Variants in MAD1L1 observed in about 807,000 individuals in gnomAD.
MAD1L1 encodes mitotic arrest deficient 1 like 1, also known as mitotic spindle assembly checkpoint protein MAD1.
In MAD1L1, 95 loss-of-function variants were observed where a neutral mutation model predicts 96.9. The observed-to-expected ratio is 0.98, with a 90% CI of 0.83 to 1.16. The LOEUF (loss-of-function observed/expected upper bound fraction) is 1.16. Among genes scored for constraint, MAD1L1 ranks in the 50% most tolerant of loss-of-function variants. The pLI is 0.00. For synonymous variants in MAD1L1, 473 were observed against 396.6 expected (o/e 1.19, Z -2.29); for missense variants, 1,007 against 954.4 (o/e 1.06, Z -0.73).
At chr7:1,990,508 T>C (rs1026270601) in intron 14 of MAD1L1, among the ~76,000 whole-genome samples, 2 of 152,210 alleles carry the variant, frequency 1.3e-5, no homozygotes, top group East Asian at 3.8e-4. Context: ...CACCCAGACA[T>C]TTCCTCGTGA....
At chr7:1,862,060 A>G (rs548666409) in intron 18 of MAD1L1, among the ~76,000 whole-genome samples, 81 of 152,298 alleles carry the variant, frequency 5.3e-4, no homozygotes, top group Non-Finnish European at 1.5e-4. Context: ...AGACCTGCAG[A>G]GCCTCTGGCA....
chr7:2,213,405 C>A (rs1793087875), intron 9 of MAD1L1, 132 bp from the exon 10 acceptor site: 1 of 795,122 alleles, frequency 1.3e-6, no homozygotes, highest in African/African-American at 1.7e-5. Context: ...GAGCTGGGCG[C>A]TACATGCTCC....
At chr7:2,032,651 G>A (rs920515226) in intron 12 of MAD1L1, among the ~76,000 whole-genome samples, 6 of 152,194 alleles carry the variant, frequency 3.9e-5, no homozygotes, top group African/African-American at 9.6e-5. Flanking sequence ...AAGATGACTC[G>A]CCCATGGGAA....
intron 17 of MAD1L1, among the ~76,000 whole-genome samples, chr7:1,900,592 G>A (rs1356176905): frequency 1.3e-5 from 2 of 152,134 alleles, no homozygotes; most frequent in African/African-American, 2.4e-5. Context: ...TCTTCCCTGC[G>A]TCCCTCGGCT....
chr7:1,997,147 G>A (rs1781594566), intron 14 of MAD1L1, among the ~76,000 whole-genome samples: 1 of 152,230 alleles, frequency 6.6e-6, no homozygotes, highest in South Asian at 2.1e-4. Context: ...GAAAGTCAGA[G>A]TGCCTTTGTC....
chr7:1,876,430 C>G (rs1434718428), intron 18 of MAD1L1, among the ~76,000 whole-genome samples: 1 of 151,944 alleles, frequency 6.6e-6, no homozygotes, highest in Non-Finnish European at 1.5e-5. Context: ...AGACCAGGTC[C>G]TACCACAATA....
intron 15 of MAD1L1, among the ~76,000 whole-genome samples, chr7:1,965,557 C>A (rs375315203): frequency 6.6e-6 from 1 of 152,218 alleles, no homozygotes; most frequent in Admixed American, 6.5e-5. Flanking sequence ...ACCTGGGGGC[C>A]GGAAAAGAAA....
At chr7:2,090,825 G>A (rs886935898) in intron 11 of MAD1L1, among the ~76,000 whole-genome samples, 2 of 152,208 alleles carry the variant, frequency 1.3e-5, no homozygotes, top group African/African-American at 4.8e-5. Flanking sequence ...CCTCCAGGCA[G>A]GCAACGTTAC....
chr7:2,073,008 G>A (rs895647886), intron 11 of MAD1L1, among the ~76,000 whole-genome samples: 9 of 152,210 alleles, frequency 5.9e-5, no homozygotes, highest in African/African-American at 2.2e-4. Context: ...CCAGGGCTCA[G>A]TGCAATAGAG....
At chr7:1,985,905 C>A (rs1037114276) in intron 14 of MAD1L1, among the ~76,000 whole-genome samples, 2 of 152,220 alleles carry the variant, frequency 1.3e-5, no homozygotes, top group African/African-American at 4.8e-5. Context: ...ACAGACTCTA[C>A]CGCCTCGTTA....
intron 9 of MAD1L1, 88 bp from the exon 10 acceptor site, chr7:2,213,361 C>G (rs1793085618): frequency 2.4e-6 from 3 of 1,241,242 alleles, no homozygotes; most frequent in Non-Finnish European, 2.4e-6. Flanking sequence ...GGTGCTAAGT[C>G]CCTGACCTCT....
intron 17 of MAD1L1, among the ~76,000 whole-genome samples, chr7:1,913,149 G>A (rs1394977893): frequency 1.3e-5 from 2 of 152,208 alleles, no homozygotes; most frequent in Admixed American, 6.5e-5. Context: ...ATGAAAACCT[G>A]CTAATGTAGG....
chr7:1,884,072 CGA>C (rs10599082), intron 18 of MAD1L1, among the ~76,000 whole-genome samples: 104,863 of 151,670 alleles, frequency 0.69, 36,828 homozygotes, highest in African/African-American at 0.82. Flanking sequence ...GCAGCTCATT[CGA>C]GAGAGCATGT....
intron 16 of MAD1L1, among the ~76,000 whole-genome samples, chr7:1,941,172 C>T (rs143611068): frequency 1.8e-3 from 277 of 152,310 alleles, no homozygotes; most frequent in East Asian, 7.2e-3. Flanking sequence ...AGCGGTGGTG[C>T]GCCCAGCGCT....
At chr7:2,118,541 C>T (rs1411097901) in intron 11 of MAD1L1, among the ~76,000 whole-genome samples, 1 of 152,256 alleles carries the variant, frequency 6.6e-6, no homozygotes, top group Non-Finnish European at 1.5e-5. Context: ...CACTACTCAA[C>T]ACACTGGGCC....
At chr7:1,850,452 G>A (rs1212373725) in intron 18 of MAD1L1, among the ~76,000 whole-genome samples, 1 of 152,234 alleles carries the variant, frequency 6.6e-6, no homozygotes, top group African/African-American at 2.4e-5. Flanking sequence ...TGGCTGTGGG[G>A]CCCAGGCTTC....
At chr7:2,151,341 C>T (rs924305312) in intron 10 of MAD1L1, among the ~76,000 whole-genome samples, 7 of 152,212 alleles carry the variant, frequency 4.6e-5, no homozygotes, top group Admixed American at 1.3e-4. Context: ...TGGTCACAGG[C>T]GGCAGGCTAC....
chr7:2,131,624 C>T (rs376960920), intron 11 of MAD1L1, among the ~76,000 whole-genome samples: 4 of 152,370 alleles, frequency 2.6e-5, no homozygotes, highest in African/African-American at 9.6e-5. Context: ...TGTGCTGGAA[C>T]ATTCGTGCCT....
At position 1,876,914 on chromosome 7, in the gene MAD1L1, G is replaced by GC. The variant is rs563914795; in HGVS notation, c.1998+21285dup. 2.8e-4 allele frequency among the ~76,000 whole-genome samples: 34 copies of GC among 119,400 alleles called. 4 individuals are homozygous for GC. The highest frequency in any genetic ancestry group is 9.5e-4 in the African/African-American group (33 of 34,828). The allele number at this position is 119,400 out of a possible 152,430, so 78.3% of individuals were successfully genotyped here. On this transcript the variant is annotated intron_variant, in intron 18 of 18. Coordinates refer to ENST00000265854, the MANE Select transcript of MAD1L1 (RefSeq NM_001013836.2). The stretch of plus-strand genomic sequence containing the variant: ...TGGGAAGGTGCGGTTCCATCTCCAG[G>GC]CCCCCCGCCCTGGTCCTCCTCCCAC...
Sources: allele counts gnomAD v4.1 joint callset (sites outside exome capture counted in the v4.1 genomes callset), GRCh38; gene constraint gnomAD v4.1.1; transcripts MANE v1.5; gene names NCBI Gene and HGNC (gene_info 2026-07-23, HGNC 2026-07-21).